The following ELFN1 variants were observed in gnomAD, a reference collection of about 807,000 sequenced individuals.
ELFN1 encodes the protein protein ELFN1.
ELFN1 carries 6 observed loss-of-function variants against 7.6 expected under a neutral mutation model. That is an observed-to-expected ratio of 0.79 (90% CI 0.43 to 1.56). The LOEUF is 1.56. Ranked by LOEUF, ELFN1 falls within the 40% of genes most tolerant of loss-of-function variation. The probability of loss-of-function intolerance (pLI) is 0.01; values close to 1 mark genes in which losing one functional copy is unlikely to be tolerated. For missense variants in ELFN1, 1,169 were observed against 1,232.2 expected (o/e 0.95, Z 0.77); for synonymous variants, 657 against 588.1 (o/e 1.12, Z -1.70).
At chr7:1,666,655 C>G (rs1562351602), upstream of ELFN1, among the ~76,000 whole-genome samples, 1 of 151,944 alleles carries the variant, frequency 6.6e-6, no homozygotes, top group Non-Finnish European at 1.5e-5. The surrounding 1 kb of genome is among the most constrained non-coding windows in gnomAD (Gnocchi z 7.9). Flanking sequence ...GGGGGCTGGG[C>G]GCGCCTTCGA....
In ELFN1 at chr7:1,747,431, T is replaced by C. The variant is rs2128607951; in HGVS notation, c.*348T>C. The C allele has an allele frequency of 5.0e-6, 1 of 198,042 alleles. No individual in the cohort carries two copies. The allele number at this position is 198,042 out of a possible 1,614,324, so 12.3% of individuals were successfully genotyped here. On this transcript the variant is annotated 3_prime_UTR_variant, in exon 4 of 4. Coordinates refer to ENST00000424383, the MANE Select transcript of ELFN1 (RefSeq NM_001128636.4). ...TCTTTTGAGTCTTCTCTGCCTTTTC[T>C]TTTCCTCTCTATCTCTTTACTTTCT... is the stretch of plus-strand genomic sequence containing the variant.
At chr7:1,706,091 C>T (rs1436120250) in intron 2 of ELFN1, among the ~76,000 whole-genome samples, 2 of 152,186 alleles carry the variant, frequency 1.3e-5, no homozygotes, top group Non-Finnish European at 2.9e-5. Flanking sequence ...TCCGATCCAC[C>T]GCGGACCACA....
chr7:1,738,186 C>G (rs1231488978), intron 3 of ELFN1, among the ~76,000 whole-genome samples: 1 of 152,190 alleles, frequency 6.6e-6, no homozygotes, highest in African/African-American at 2.4e-5. Flanking sequence ...GCGCGTGGTC[C>G]CATGTCCCAT....
intron 1 of ELFN1, among the ~76,000 whole-genome samples, chr7:1,672,399 T>G (rs1056037344): frequency 6.6e-6 from 1 of 151,368 alleles, no homozygotes; most frequent in Non-Finnish European, 1.5e-5. Context: ...AAGAAACAGG[T>G]GTCCGGGGTC....
Position 1,695,493 on chromosome 7 carries a change from T to C in ELFN1, c.-456+7343T>C, listed in dbSNP as rs1779283502. 6.6e-6 allele frequency among the ~76,000 whole-genome samples: 1 copy of C among 151,934 alleles called. No individual in the cohort carries two copies. The highest frequency in any genetic ancestry group is 1.5e-5 in the Non-Finnish European group (1 of 67,976). ...GTGCGCGGCCACTCACACCTGTAAT[T>C]CCAGCACTTTGGGAGGCTGAGGCGG... On this transcript the variant is annotated intron_variant, in intron 2 of 3. Transcript: ENST00000424383. This position sits in a 1 kb window ranked among gnomAD's most constrained non-coding sequence, Gnocchi z 5.1.
At chr7:1,677,272 A>T (rs1778889098) in intron 1 of ELFN1, among the ~76,000 whole-genome samples, 1 of 152,112 alleles carries the variant, frequency 6.6e-6, no homozygotes, top group Admixed American at 6.5e-5. Flanking sequence ...CCCAGAATGG[A>T]TTGGTATGAA....
intron 3 of ELFN1, among the ~76,000 whole-genome samples, chr7:1,714,465 T>C (rs2128589751): frequency 6.6e-6 from 1 of 152,350 alleles, no homozygotes; most frequent in Non-Finnish European, 1.5e-5. Flanking sequence ...CTTAAATACA[T>C]TTATTTAAAA....
intron 3 of ELFN1, among the ~76,000 whole-genome samples, chr7:1,736,384 C>G (rs948159351): frequency 3.3e-5 from 5 of 152,216 alleles, no homozygotes; most frequent in Admixed American, 3.3e-4. Context: ...GCCCTGGCCT[C>G]TTGTCTGGTT....
At chr7:1,702,371 C>T (rs550815411) in intron 2 of ELFN1, among the ~76,000 whole-genome samples, 37 of 151,434 alleles carry the variant, frequency 2.4e-4, no homozygotes, top group African/African-American at 7.5e-4. Flanking sequence ...TGCAGTGAGC[C>T]GAGATTACAC....
intron 3 of ELFN1, among the ~76,000 whole-genome samples, chr7:1,734,933 C>G (rs1036840578): frequency 1.3e-5 from 2 of 151,956 alleles, no homozygotes; most frequent in Admixed American, 1.3e-4. Flanking sequence ...GGGCTTAAGC[C>G]GTCCTCCTGC....
chr7:1,747,267 C>A lies in ELFN1; in HGVS notation c.*184C>A. 1 of 576,262 alleles carries A rather than the reference C, an allele frequency of 1.7e-6. No individual in the cohort carries two copies. Among genetic ancestry groups the A allele is most frequent in the Non-Finnish European group, 2.7e-6 (1 of 366,620 alleles). 35.7% of individuals were successfully genotyped at this position (576,262 alleles called of 1,614,324 possible). A position where few individuals can be genotyped will look rare whatever the true frequency, so the allele number is the denominator to read the frequency against. On this transcript the variant is annotated 3_prime_UTR_variant, in exon 4 of 4. Coordinates refer to ENST00000424383, the MANE Select transcript of ELFN1 (RefSeq NM_001128636.4). ...CACGTCCCGAGCTCCTGTGGCCGGT[C>A]CTGGGATGCGCTTGTCGCCCCGGGT...
intron 1 of ELFN1, among the ~76,000 whole-genome samples, chr7:1,679,158 C>G (rs1016865768): frequency 2.0e-5 from 3 of 150,748 alleles, no homozygotes; most frequent in Non-Finnish European, 4.4e-5. Flanking sequence ...CACACACACA[C>G]GCGTGCACAC....
chr7:1,686,747 C>A (rs1779068358), intron 1 of ELFN1, among the ~76,000 whole-genome samples: 1 of 152,136 alleles, frequency 6.6e-6, no homozygotes, highest in African/African-American at 2.4e-5. Flanking sequence ...TTTCAGCAGG[C>A]CAGAAATTTG....
At chr7:1,679,158 C>T (rs1016865768) in intron 1 of ELFN1, among the ~76,000 whole-genome samples, 11 of 150,748 alleles carry the variant, frequency 7.3e-5, no homozygotes, top group East Asian at 1.9e-4. Flanking sequence ...CACACACACA[C>T]GCGTGCACAC....
In ELFN1 at chr7:1,673,996, G is replaced by A. The variant is rs112767401; in HGVS notation, c.-549+3642G>A. ...GGGAGGCAGAGAGGACGACTACTCC[G>A]CTCCCTGCTCCAGGCCACGGGGGTA... is the stretch of plus-strand genomic sequence containing the variant. On this transcript the variant is annotated intron_variant, in intron 1 of 3. Coordinates refer to ENST00000424383, the MANE Select transcript of ELFN1 (RefSeq NM_001128636.4). This position sits in a 1 kb window ranked among gnomAD's most constrained non-coding sequence, Gnocchi z 4.7. 0.016 allele frequency among the ~76,000 whole-genome samples: 2,418 copies of A among 152,288 alleles called. 61 individuals are homozygous for A. The highest frequency in any genetic ancestry group is 0.055 in the African/African-American group (2,267 of 41,538).
chr7:1,698,992 T>C (rs1295347458), intron 2 of ELFN1, among the ~76,000 whole-genome samples: 16 of 152,216 alleles, frequency 1.1e-4, no homozygotes. Flanking sequence ...CCTTCCGGCA[T>C]AGCTGAATTT....
Position 1,746,747 on chromosome 7 carries a change from G to A in ELFN1, c.2151G>A (p.Ala717=), listed in dbSNP as rs1562393637. ...YPGSHPAEPP[A]PPGPPPPPPH... ...GCTCCCACCCGGCCGAGCCACCTGCGCCCCCCGGGCCACCGCCGCCGCCTC... is the reference window on the plus strand; with the variant it reads ...GCTCCCACCCGGCCGAGCCACCTGCACCCCCCGGGCCACCGCCGCCGCCTC... Residue 717 remains alanine (A), a synonymous_variant, in exon 4 of 4, where the codon GCG becomes GCA. Transcript: ENST00000424383. 1.3e-5 allele frequency: 20 copies of A among 1,492,320 alleles called. No individual in the cohort carries two copies. Among genetic ancestry groups the A allele is most frequent in the South Asian group, 3.8e-5 (3 of 79,612 alleles). The allele number at this position is 1,492,320 out of a possible 1,614,324, so 92.4% of individuals were successfully genotyped here. A position where few individuals can be genotyped will look rare whatever the true frequency, so the allele number is the denominator to read the frequency against.
chr7:1,741,827 C>T (rs532667723), intron 3 of ELFN1, among the ~76,000 whole-genome samples: 17 of 152,334 alleles, frequency 1.1e-4, no homozygotes, highest in South Asian at 4.1e-4. Context: ...CAGCCCCAGA[C>T]GCACCAGAGC....
intron 2 of ELFN1, among the ~76,000 whole-genome samples, chr7:1,697,504 G>T (rs565389837): frequency 9.8e-5 from 15 of 152,364 alleles, no homozygotes; most frequent in Admixed American, 3.9e-4. Flanking sequence ...CCAGCCCGGT[G>T]TATAGCACGT....
Sources: allele counts gnomAD v4.1 joint callset (sites outside exome capture counted in the v4.1 genomes callset), GRCh38; gene constraint gnomAD v4.1.1; non-coding constraint Gnocchi (gnomAD v3.1); transcripts MANE v1.5; gene names NCBI Gene and HGNC (gene_info 2026-07-23, HGNC 2026-07-21).